COG6: variants seen among roughly 807,000 people sequenced by gnomAD.
The protein encoded by COG6 is conserved oligomeric Golgi complex subunit 6.
A neutral mutation model predicts 88.8 loss-of-function variants in COG6; 74 were observed. That is an observed-to-expected ratio of 0.83 (90% CI 0.69 to 1.01). The LOEUF (loss-of-function observed/expected upper bound fraction) is 1.01, where lower values mean the gene tolerates loss of function less well. Ranked by LOEUF, COG6 falls within the 50% of genes least tolerant of loss-of-function variation. The pLI is 0.00. For missense variants in COG6, 800 were observed against 797.9 expected (o/e 1.00, Z -0.03); for synonymous variants, 286 against 278.7 (o/e 1.03, Z -0.26).
chr13:39,678,934 ATTATT>A (rs560003692), intron 5 of COG6, among the ~76,000 whole-genome samples: 138 of 152,006 alleles, frequency 9.1e-4, no homozygotes, highest in African/African-American at 3.3e-3. Flanking sequence ...TATTATTATT[ATTATT>A]TTAAGTTTTA....
At chr13:39,658,249 T>C (rs1223518953) in intron 1 of COG6, among the ~76,000 whole-genome samples, 2 of 151,808 alleles carry the variant, frequency 1.3e-5, no homozygotes, top group Non-Finnish European at 2.9e-5. Context: ...GCTCAAGCGA[T>C]CCTCCTGCCA....
At chr13:39,771,601 G>C (rs923286353) in intron 18 of COG6, among the ~76,000 whole-genome samples, 3 of 152,212 alleles carry the variant, frequency 2.0e-5, no homozygotes, top group Non-Finnish European at 4.4e-5. Flanking sequence ...TGCTGCCTTG[G>C]CAAAGTACAT....
intron 4 of COG6, among the ~76,000 whole-genome samples, chr13:39,669,727 G>T (rs1875505225): frequency 6.6e-6 from 1 of 152,162 alleles, no homozygotes; most frequent in East Asian, 1.9e-4. Flanking sequence ...CTGTTCATGT[G>T]TTCTCAAAAC....
chr13:39,730,708 A>G (rs1879387827), intron 18 of COG6, among the ~76,000 whole-genome samples: 1 of 117,790 alleles, frequency 8.5e-6, no homozygotes. Context: ...CGGGAGGTGG[A>G]GGTTGCAGTG....
chr13:39,737,475 C>T (rs1354845680), intron 18 of COG6, among the ~76,000 whole-genome samples: 1 of 150,738 alleles, frequency 6.6e-6, no homozygotes, highest in African/African-American at 2.4e-5. Context: ...AGTCAGGAAC[C>T]TTAGGAATCT....
At chr13:39,735,808 T>A (rs559143050) in intron 18 of COG6, among the ~76,000 whole-genome samples, 1 of 152,084 alleles carries the variant, frequency 6.6e-6, no homozygotes, top group East Asian at 1.9e-4. Flanking sequence ...AGTTTTTTTT[T>A]CCTTCAGCAC....
intron 18 of COG6, among the ~76,000 whole-genome samples, chr13:39,778,307 C>G (rs1010018628): frequency 9.9e-5 from 15 of 152,146 alleles, no homozygotes; most frequent in Admixed American, 5.2e-4. Flanking sequence ...GTAGTGTCTG[C>G]CTAGAGCCTA....
intron 12 of COG6, among the ~76,000 whole-genome samples, chr13:39,695,705 G>GTAGAT (rs1479387477): frequency 1.3e-5 from 2 of 151,774 alleles, no homozygotes; most frequent in Non-Finnish European, 2.9e-5. Flanking sequence ...CATCTTACTA[G>GTAGAT]TAGATTTTCA....
chr13:39,787,838 T>C (rs1881822391), intron 18 of COG6, among the ~76,000 whole-genome samples: 1 of 152,192 alleles, frequency 6.6e-6, no homozygotes, highest in Admixed American at 6.5e-5. Flanking sequence ...TTCGGGAAGA[T>C]GTGTGTAGGT....
At chr13:39,768,510 C>G (rs1299068589) in intron 18 of COG6, among the ~76,000 whole-genome samples, 1 of 152,292 alleles carries the variant, frequency 6.6e-6, no homozygotes, top group African/African-American at 2.4e-5. Flanking sequence ...AGTCCTCTAG[C>G]TTGGAGGGGC....
chr13:39,771,054 G>A (rs9315729), intron 18 of COG6, among the ~76,000 whole-genome samples: 63,466 of 151,876 alleles, frequency 0.42, 13,623 homozygotes, highest in Admixed American at 0.57. Context: ...CTCATGTCAT[G>A]TAAGTAGCTG....
At chr13:39,672,924 A>G (rs1245243448) in intron 4 of COG6, among the ~76,000 whole-genome samples, 2 of 152,032 alleles carry the variant, frequency 1.3e-5, no homozygotes, top group East Asian at 3.8e-4. Flanking sequence ...GATGATAGCC[A>G]TGCTACTGGG....
At chr13:39,766,579 C>A (rs370866581) in intron 18 of COG6, among the ~76,000 whole-genome samples, 6 of 152,312 alleles carry the variant, frequency 3.9e-5, no homozygotes, top group African/African-American at 4.8e-5. Context: ...TAACCCCATC[C>A]CAAAACCAGA....
exon 19 of COG6, chr13:39,788,585 C>T: frequency 1.8e-6 from 1 of 554,676 alleles, no homozygotes; most frequent in East Asian, 2.9e-5. Context: ...ATAATACGCA[C>T]ACACACAGCA....
intron 18 of COG6, among the ~76,000 whole-genome samples, chr13:39,728,293 A>G (rs762854037): frequency 5.3e-5 from 8 of 152,308 alleles, no homozygotes; most frequent in Non-Finnish European, 1.0e-4. Context: ...ACAGTAAGGA[A>G]AGAACTATTG....
In COG6 at chr13:39,752,147, C is replaced by CAA; in HGVS notation, c.*1062_*1063dup. Reference sequence around the variant, plus strand: ...GTGCCTGATTTGACATTCTTGTCAGCAAAAAAAAACTTAATTTCTAGTAAA... The same window carrying CAA: ...GTGCCTGATTTGACATTCTTGTCAGCAAAAAAAAAAACTTAATTTCTAGTAAA... On this transcript the variant is annotated 3_prime_UTR_variant, in exon 19 of 19. Transcript: ENST00000455146. 3 of 1,137,884 alleles carry CAA rather than the reference C, an allele frequency of 2.6e-6. No individual in the cohort carries two copies. The highest frequency in any genetic ancestry group is 1.5e-5 in the South Asian group (1 of 66,728). The allele number at this position is 1,137,884 out of a possible 1,614,324, so 70.5% of individuals were successfully genotyped here.
intron 12 of COG6, among the ~76,000 whole-genome samples, 169 bp from the exon 13 acceptor site, chr13:39,699,328 AAAAC>A (rs1416988903): frequency 6.6e-6 from 1 of 151,854 alleles, no homozygotes; most frequent in Non-Finnish European, 1.5e-5. Context: ...ACTCAAAAGA[AAAAC>A]AAAAATCCTG....
chr13:39,687,723 G>A lies in COG6; in HGVS notation c.933G>A (p.Met311Ile). The change falls in exon 10 of 19, where the codon ATG (methionine) becomes ATA (isoleucine). Residue 311 changes from methionine (M) to isoleucine (I), a missense_variant. Physicochemically the swap from Met to Ile is conservative, Grantham distance 10. Coordinates refer to ENST00000455146, the MANE Select transcript of COG6 (RefSeq NM_020751.3). ...TTTTCATTAGGTATGTAGGAGATAT[G>A]TTGGCTTGGCTCCATCAAGCTACTG... ...SHDPLRYVGD[M>I]LAWLHQATAS... 6.2e-7 allele frequency: 1 copy of A among 1,614,042 alleles called. No individual in the cohort carries two copies. The highest frequency in any genetic ancestry group is 8.5e-7 in the Non-Finnish European group (1 of 1,179,978).
intron 13 of COG6, among the ~76,000 whole-genome samples, chr13:39,702,851 A>G (rs1036876347): frequency 1.3e-5 from 2 of 152,112 alleles, no homozygotes; most frequent in Non-Finnish European, 2.9e-5. Flanking sequence ...GAAAAGATCA[A>G]TATACAAATG....
Sources: allele counts gnomAD v4.1 joint callset (sites outside exome capture counted in the v4.1 genomes callset), GRCh38; gene constraint gnomAD v4.1.1; transcripts MANE v1.5; gene names NCBI Gene and HGNC (gene_info 2026-07-23, HGNC 2026-07-21).